WSCD2: variants seen among roughly 807,000 people sequenced by gnomAD.
WSCD2 encodes WSC domain sialate O sulfotransferase 2, also known as sialate:O-sulfotransferase 2.
Under a neutral mutation model 55.7 loss-of-function variants are expected in WSCD2, and 28 were observed. The observed-to-expected ratio is 0.50, with a 90% CI of 0.37 to 0.69. WSCD2 has a LOEUF of 0.69. WSCD2 is among the 30% of genes least tolerant of loss of function. WSCD2 has a pLI of 0.00. For missense variants in WSCD2, 616 were observed against 762.1 expected (o/e 0.81, Z 2.26); for synonymous variants, 301 against 301.9 (o/e 1.00, Z 0.03).
chr12:108,187,671 A>G (rs1227741275), intron 1 of WSCD2, among the ~76,000 whole-genome samples: 1 of 152,230 alleles, frequency 6.6e-6, no homozygotes, highest in Non-Finnish European at 1.5e-5. Flanking sequence ...AATAAATACT[A>G]GCTCACATTA....
intron 4 of WSCD2, among the ~76,000 whole-genome samples, chr12:108,220,553 A>AAG (rs1361895149): frequency 2.6e-5 from 4 of 152,166 alleles, no homozygotes; most frequent in African/African-American, 9.7e-5. Context: ...TTTTAAAGAC[A>AAG]AGGTCCCACT....
intron 1 of WSCD2, among the ~76,000 whole-genome samples, chr12:108,135,766 G>C (rs1042262478): frequency 1.3e-5 from 2 of 152,222 alleles, no homozygotes; most frequent in African/African-American, 4.8e-5. Flanking sequence ...GAATGGTCTA[G>C]AATAGAGGCC....
intron 1 of WSCD2, among the ~76,000 whole-genome samples, chr12:108,136,727 G>A (rs1170473166): frequency 6.6e-6 from 1 of 150,508 alleles, no homozygotes; most frequent in Non-Finnish European, 1.5e-5. Flanking sequence ...CAAAGCCCGT[G>A]TTCTCAGCTA....
chr12:108,201,182 G>A (rs1884622218), intron 2 of WSCD2, among the ~76,000 whole-genome samples: 1 of 152,172 alleles, frequency 6.6e-6, no homozygotes, highest in Admixed American at 6.5e-5. Flanking sequence ...AAGTCAGGGT[G>A]TTGGCAGGGC....
intron 4 of WSCD2, among the ~76,000 whole-genome samples, chr12:108,218,650 C>G (rs1034076805): frequency 1.3e-5 from 2 of 152,182 alleles, no homozygotes; most frequent in South Asian, 4.1e-4. Flanking sequence ...TATTTGGGGC[C>G]ATGCTCTTAG....
In WSCD2 at chr12:108,249,108, A is replaced by G. The variant is rs559194625; in HGVS notation, c.*765A>G. 5.7e-6 allele frequency: 1 copy of G among 176,026 alleles called. No homozygotes were observed. Among genetic ancestry groups the G allele is most frequent in the Admixed American group, 6.6e-5 (1 of 15,228 alleles). 10.9% of individuals were successfully genotyped at this position (176,026 alleles called of 1,614,324 possible). ...CCTTGAGATCCTGATACCACCTTCAAGGAACCTCAGGCACCAACAGTGAGC... is the reference window on the plus strand; with the variant it reads ...CCTTGAGATCCTGATACCACCTTCAGGGAACCTCAGGCACCAACAGTGAGC... On this transcript the variant is annotated 3_prime_UTR_variant, in exon 9 of 9. Transcript: ENST00000547525.
At chr12:108,142,477 C>T (rs1018856840) in intron 1 of WSCD2, among the ~76,000 whole-genome samples, 4 of 152,162 alleles carry the variant, frequency 2.6e-5, no homozygotes, top group Admixed American at 6.5e-5. Context: ...AGGCAGATCT[C>T]GCTCAAGTAC....
chr12:108,242,493 T>G (rs1016743181), intron 8 of WSCD2, among the ~76,000 whole-genome samples: 2 of 152,170 alleles, frequency 1.3e-5, no homozygotes, highest in Non-Finnish European at 2.9e-5. Flanking sequence ...GGGAGATCAG[T>G]GACCTCGGTG....
chr12:108,201,797 A>G (rs1015075754), intron 2 of WSCD2, among the ~76,000 whole-genome samples: 7 of 152,152 alleles, frequency 4.6e-5, no homozygotes, highest in African/African-American at 1.7e-4. Context: ...CATTGAAGAG[A>G]GCAAAATTCC....
chr12:108,216,223 A>G (rs1886814433), intron 4 of WSCD2, among the ~76,000 whole-genome samples: 1 of 152,204 alleles, frequency 6.6e-6, no homozygotes, highest in Non-Finnish European at 1.5e-5. Flanking sequence ...AAGTAATTGA[A>G]TCTTGCTAAG....
At chr12:108,186,214 G>A (rs1882469759) in intron 1 of WSCD2, among the ~76,000 whole-genome samples, 2 of 152,168 alleles carry the variant, frequency 1.3e-5, no homozygotes, top group South Asian at 4.2e-4. Context: ...CTTTTAAAAA[G>A]CCATTTTAGA....
intron 1 of WSCD2, among the ~76,000 whole-genome samples, chr12:108,154,958 A>G (rs1392715453): frequency 6.6e-6 from 1 of 152,206 alleles, no homozygotes; most frequent in African/African-American, 2.4e-5. Flanking sequence ...ACTACCTAGA[A>G]GTACCACGTG....
At chr12:108,205,889 G>A (rs1043026810) in intron 2 of WSCD2, among the ~76,000 whole-genome samples, 1 of 152,168 alleles carries the variant, frequency 6.6e-6, no homozygotes. Flanking sequence ...ACTTTCCAAA[G>A]GAAAAATATA....
rs1875300243 is a variant in WSCD2 at position 108,129,855 on chromosome 12, A to C, written c.-623A>C. The C allele has an allele frequency of 6.6e-6, 1 of 152,222 alleles. No homozygotes were observed. Among genetic ancestry groups the C allele is most frequent in the Admixed American group, 6.5e-5 (1 of 15,290 alleles). The allele number at this position is 152,222 out of a possible 1,614,324, so 9.4% of individuals were successfully genotyped here. On this transcript the variant is annotated 5_prime_UTR_variant, in exon 1 of 9. Transcript: ENST00000547525. Reference sequence around the variant, plus strand: ...GCGGGCGCGCCAAGCGGGACGCGGGAGTCGCAGAGAGGGACCCCGGGCGCC... The same window carrying C: ...GCGGGCGCGCCAAGCGGGACGCGGGCGTCGCAGAGAGGGACCCCGGGCGCC...
Position 108,196,054 on chromosome 12 carries a change from A to G in WSCD2, c.222A>G (p.Arg74=), listed in dbSNP as rs1246103523. The G allele has an allele frequency of 1.9e-6, 3 of 1,614,030 alleles. No individual in the cohort carries two copies. The highest frequency in any genetic ancestry group is 3.3e-5 in the Admixed American group (2 of 60,006). The change falls in exon 2 of 9, where the codon AGA becomes AGG. Residue 74 remains arginine (R), a synonymous_variant. Transcript: ENST00000547525. ...TCTTGGGTGACATGCATCTGGGCAG[A>G]GGTTTCCGGGACACAGGTGAAGCCT... The part of the protein sequence containing the change: ...LSFLGDMHLG[R]GFRDTGEASS...
intron 1 of WSCD2, among the ~76,000 whole-genome samples, chr12:108,172,061 G>A (rs181389270): frequency 8.9e-4 from 135 of 152,274 alleles, no homozygotes; most frequent in Non-Finnish European, 2.1e-4. Context: ...AGGGTTTTTG[G>A]AAATCCTGAG....
intron 6 of WSCD2, among the ~76,000 whole-genome samples, chr12:108,228,522 C>G (rs1018201522): frequency 2.0e-5 from 3 of 152,220 alleles, no homozygotes; most frequent in Non-Finnish European, 4.4e-5. Context: ...AAGAAAACAC[C>G]ACTTGGCTAG....
intron 2 of WSCD2, among the ~76,000 whole-genome samples, chr12:108,198,121 A>T (rs866162610): frequency 6.6e-6 from 1 of 151,594 alleles, no homozygotes; most frequent in African/African-American, 2.4e-5. Flanking sequence ...ATCTGAAAGC[A>T]TCTCATTTAT....
At chr12:108,160,149 A>G (rs181487895) in intron 1 of WSCD2, among the ~76,000 whole-genome samples, 2 of 152,280 alleles carry the variant, frequency 1.3e-5, no homozygotes, top group Admixed American at 6.5e-5. Context: ...TCAAGACCCA[A>G]CGTGAAAATG....
Sources: gnomAD v4.1 joint callset for allele counts (sites outside exome capture counted in the v4.1 genomes callset) on GRCh38, gnomAD v4.1.1 for gene constraint, MANE v1.5 for transcripts, NCBI Gene and HGNC (gene_info 2026-07-23, HGNC 2026-07-21) for gene names.